The following SRGAP1 variants were observed in gnomAD, a reference collection of about 807,000 sequenced individuals.
SRGAP1 encodes the protein SLIT-ROBO Rho GTPase activating protein 1.
In SRGAP1, 43 loss-of-function variants were observed where a neutral mutation model predicts 121.9. That is an observed-to-expected ratio of 0.35 (90% CI 0.28 to 0.46). SRGAP1 has a LOEUF of 0.46. SRGAP1 is among the 20% of genes least tolerant of loss of function. The pLI, the probability that SRGAP1 is intolerant of heterozygous loss-of-function variation, is 1.00. For synonymous variants in SRGAP1, 447 were observed against 485.4 expected (o/e 0.92, Z 1.04); for missense variants, 1,102 against 1,350.9 (o/e 0.82, Z 2.89).
At chr12:63,849,367 A>G (rs972171622) in intron 1 of SRGAP1, among the ~76,000 whole-genome samples, 8 of 152,242 alleles carry the variant, frequency 5.3e-5, no homozygotes, top group Admixed American at 3.9e-4. Context: ...AAAGACTCAT[A>G]AAGACATGTT....
At chr12:63,905,152 G>A (rs1278093846) in intron 1 of SRGAP1, among the ~76,000 whole-genome samples, 1 of 152,120 alleles carries the variant, frequency 6.6e-6, no homozygotes, top group Non-Finnish European at 1.5e-5. Context: ...TTTGCTTTGG[G>A]CCATGGTTCT....
At chr12:64,104,920 A>G (rs897221603) in intron 15 of SRGAP1, among the ~76,000 whole-genome samples, 1 of 151,852 alleles carries the variant, frequency 6.6e-6, no homozygotes, top group African/African-American at 2.4e-5. Context: ...TATAAAAAAT[A>G]TAAAATTTAC....
intron 6 of SRGAP1, among the ~76,000 whole-genome samples, chr12:64,055,365 A>G (rs1346215459): frequency 4.7e-4 from 71 of 150,438 alleles, no homozygotes; most frequent in Non-Finnish European, 3.5e-4. Flanking sequence ...GATACAAACA[A>G]ATGGAAGAAC....
At chr12:63,909,816 C>G (rs1375125564) in intron 1 of SRGAP1, among the ~76,000 whole-genome samples, 1 of 152,158 alleles carries the variant, frequency 6.6e-6, no homozygotes, top group African/African-American at 2.4e-5. Context: ...TGCTGGCAGG[C>G]CAGAAACTCA....
intron 1 of SRGAP1, among the ~76,000 whole-genome samples, chr12:63,961,784 G>T (rs949589436): frequency 6.6e-6 from 1 of 152,180 alleles, no homozygotes; most frequent in Non-Finnish European, 1.5e-5. Flanking sequence ...GAGCTGATTC[G>T]TCAATAAATA....
chr12:63,897,116 G>C (rs1255621352), intron 1 of SRGAP1, among the ~76,000 whole-genome samples: 1 of 152,118 alleles, frequency 6.6e-6, no homozygotes, highest in Non-Finnish European at 1.5e-5. Context: ...TTGACATTTA[G>C]GAAGAAGTCA....
At chr12:64,010,536 A>G (rs961045023) in intron 3 of SRGAP1, among the ~76,000 whole-genome samples, 4 of 152,136 alleles carry the variant, frequency 2.6e-5, no homozygotes, top group African/African-American at 9.7e-5. Flanking sequence ...ACTGGAGTGC[A>G]GAAACCAGTC....
At chr12:64,121,214 T>C (rs2036601568) in intron 18 of SRGAP1, among the ~76,000 whole-genome samples, 2 of 152,006 alleles carry the variant, frequency 1.3e-5, no homozygotes, top group South Asian at 4.2e-4. Flanking sequence ...GGTTTCCCTA[T>C]GTTGCCCAGG....
At chr12:64,045,642 G>A (rs2035114847) in intron 6 of SRGAP1, among the ~76,000 whole-genome samples, 1 of 151,976 alleles carries the variant, frequency 6.6e-6, no homozygotes, top group Admixed American at 6.6e-5. Flanking sequence ...TACCATGTTG[G>A]TTAGGCTGGT....
At chr12:63,957,455 G>A (rs1401168548) in intron 1 of SRGAP1, among the ~76,000 whole-genome samples, 5 of 152,112 alleles carry the variant, frequency 3.3e-5, no homozygotes, top group Admixed American at 3.3e-4. Flanking sequence ...CAAGTATCTG[G>A]CCCTGGAGAA....
chr12:64,108,091 T>G (rs1213669571), intron 15 of SRGAP1, among the ~76,000 whole-genome samples: 1 of 152,216 alleles, frequency 6.6e-6, no homozygotes, highest in Non-Finnish European at 1.5e-5. Flanking sequence ...TACTGCAAAG[T>G]TTATTATTCC....
Position 64,145,763 on chromosome 12 carries a change from A to C in SRGAP1, c.*3091A>C, listed in dbSNP as rs1049907701. ...CTGAGAAGGTTCACAGCCCTTCTTT[A>C]TAGCCACAGAGGCAGCACACAGGGG... On this transcript the variant is annotated 3_prime_UTR_variant, in exon 22 of 22. Transcript: ENST00000355086. 6.6e-6 allele frequency: 1 copy of C among 152,246 alleles called. No individual in the cohort carries two copies. Among genetic ancestry groups the C allele is most frequent in the Non-Finnish European group, 1.5e-5 (1 of 68,078 alleles). 9.4% of individuals were successfully genotyped at this position (152,246 alleles called of 1,614,324 possible). A position where few individuals can be genotyped will look rare whatever the true frequency, so the allele number is the denominator to read the frequency against.
At chr12:63,944,569 G>A (rs1032204723) in intron 1 of SRGAP1, among the ~76,000 whole-genome samples, 2 of 152,170 alleles carry the variant, frequency 1.3e-5, no homozygotes, top group Admixed American at 6.5e-5. Flanking sequence ...CAGCTTTAGA[G>A]CCAGGGCTTT....
intron 19 of SRGAP1, 123 bp downstream of exon 19, chr12:64,126,280 C>G: frequency 8.9e-7 from 1 of 1,118,510 alleles, no homozygotes; most frequent in Non-Finnish European, 1.2e-6. Flanking sequence ...AACTTCAGAG[C>G]TAGGCACAGT....
intron 2 of SRGAP1, among the ~76,000 whole-genome samples, 157 bp from the exon 3 acceptor site, chr12:63,989,753 G>C (rs1300825528): frequency 6.6e-6 from 1 of 152,210 alleles, no homozygotes; most frequent in Admixed American, 6.5e-5. Context: ...AGCCTGTTCT[G>C]CTGGCTGATA....
intron 1 of SRGAP1, among the ~76,000 whole-genome samples, chr12:63,922,333 T>C (rs192157715): frequency 8.0e-4 from 122 of 152,292 alleles, no homozygotes; most frequent in African/African-American, 2.8e-3. Context: ...GCTTAAGGAA[T>C]TTTGGGGCAG....
chr12:63,894,935 T>G (rs559321604), intron 1 of SRGAP1, among the ~76,000 whole-genome samples: 2 of 151,318 alleles, frequency 1.3e-5, no homozygotes, highest in East Asian at 3.9e-4. Context: ...TAAACACACA[T>G]GTGCATGTGC....
At chr12:63,941,652 C>T (rs974624452) in intron 1 of SRGAP1, among the ~76,000 whole-genome samples, 10 of 150,158 alleles carry the variant, frequency 6.7e-5, no homozygotes, top group Non-Finnish European at 1.5e-4. Flanking sequence ...GGACTTACAG[C>T]TCCTCCTCCT....
intron 1 of SRGAP1, among the ~76,000 whole-genome samples, chr12:63,923,175 C>T (rs1322000917): frequency 6.6e-6 from 1 of 152,180 alleles, no homozygotes; most frequent in Non-Finnish European, 1.5e-5. Flanking sequence ...TAATACCCTA[C>T]CAGCCTTTTC....
Sources: gnomAD v4.1 joint callset for allele counts (sites outside exome capture counted in the v4.1 genomes callset) on GRCh38, gnomAD v4.1.1 for gene constraint, MANE v1.5 for transcripts, NCBI Gene and HGNC (gene_info 2026-07-23, HGNC 2026-07-21) for gene names.